The following SYK variants were observed in gnomAD, a reference collection of about 807,000 sequenced individuals.
SYK encodes spleen associated tyrosine kinase, also known as tyrosine-protein kinase SYK.
In SYK, 16 loss-of-function variants were observed where a neutral mutation model predicts 77.8. The ratio of observed to expected loss-of-function variants is 0.21; its 90% CI spans 0.14 to 0.31. The LOEUF is 0.31. Ranked by LOEUF, SYK falls within the 10% of genes least tolerant of loss-of-function variation. The pLI is 1.00. For missense variants in SYK, 529 were observed against 814.4 expected, an observed-to-expected ratio of 0.65 and a Z score of 4.26; for synonymous variants, 312 against 308.7, an observed-to-expected ratio of 1.01 and a Z score of -0.11.
At chr9:90,845,251 A>G (rs1826542280) in intron 2 of SYK, among the ~76,000 whole-genome samples, 183 bp from the exon 3 acceptor site, 1 of 152,176 alleles carries the variant, frequency 6.6e-6, no homozygotes, top group African/African-American at 2.4e-5. Context: ...ATTTTTATTT[A>G]TACACTTGAA....
intron 1 of SYK, among the ~76,000 whole-genome samples, chr9:90,838,245 T>C (rs1257059467): frequency 6.6e-6 from 1 of 152,218 alleles, no homozygotes; most frequent in Non-Finnish European, 1.5e-5. Context: ...CTAGGAGCTG[T>C]TCCAGGCATG....
rs775884837 is a variant in SYK at position 90,864,589 on chromosome 9, C to T, written c.718C>T (p.Leu240=). ...ACTTTCTTACTTTTTTCTCTTTCAG[C>T]TAGTCGAGCATTATTCTTATAAAGC... ...EGKKFDTLWQ[L]VEHYSYKADG... is the part of the protein sequence containing the mutation. The change falls in exon 5 of 14, where the codon CTA becomes TTA. Residue 240 remains leucine, a splice_region_variant and synonymous_variant. Transcript: ENST00000375754. 5.0e-6 allele frequency: 8 copies of T among 1,613,666 alleles called. No homozygotes were observed. Among genetic ancestry groups the T allele is most frequent in the Non-Finnish European group, 6.8e-6 (8 of 1,179,676 alleles).
At chr9:90,814,227 G>A (rs1362926225) in intron 1 of SYK, among the ~76,000 whole-genome samples, 1 of 152,168 alleles carries the variant, frequency 6.6e-6, no homozygotes, top group Non-Finnish European at 1.5e-5. Flanking sequence ...TCTGGAAGGG[G>A]GAAGTACCAG....
At chr9:90,858,675 A>T (rs1827133420) in intron 3 of SYK, among the ~76,000 whole-genome samples, 1 of 152,230 alleles carries the variant, frequency 6.6e-6, no homozygotes, top group Non-Finnish European at 1.5e-5. Flanking sequence ...ATGTTTAATT[A>T]AAAATGGCCT....
chr9:90,854,239 T>TGCCCC (rs1419549811), intron 3 of SYK, among the ~76,000 whole-genome samples: 1 of 152,194 alleles, frequency 6.6e-6, no homozygotes, highest in African/African-American at 2.4e-5. Flanking sequence ...GCTGCTCAGC[T>TGCCCC]GCCCCGAGTG....
rs1828965794 is a variant in SYK, at chr9:90,895,927, GT to G, written c.*328del. 2.8e-6 allele frequency: 1 copy of G among 354,656 alleles called. No individual in the cohort carries two copies. The highest frequency in any genetic ancestry group is 4.0e-5 in the South Asian group (1 of 24,832). The allele number at this position is 354,656 out of a possible 1,614,324, so 22.0% of individuals were successfully genotyped here. ...TCTTTCCACTTCTCTGGGTCCCGGG[GT>G]GCATTTGTTACTCATCGGGCCCAGG... is the stretch of plus-strand genomic sequence containing the variant. On this transcript the variant is annotated 3_prime_UTR_variant, in exon 14 of 14. Transcript: ENST00000375754. The surrounding 1 kb of genome is among the most constrained non-coding windows in gnomAD (Gnocchi z 4.4).
intron 1 of SYK, among the ~76,000 whole-genome samples, chr9:90,824,898 T>A (rs1022680100): frequency 6.6e-6 from 1 of 152,012 alleles, no homozygotes; most frequent in Non-Finnish European, 1.5e-5. Flanking sequence ...ACAAAACTTA[T>A]ACAGATCAGA....
At chr9:90,832,479 C>A (rs1218076507) in intron 1 of SYK, among the ~76,000 whole-genome samples, 2 of 152,216 alleles carry the variant, frequency 1.3e-5, no homozygotes, top group African/African-American at 4.8e-5. Flanking sequence ...TAACCATTTT[C>A]TACAGGTAAA....
intron 1 of SYK, among the ~76,000 whole-genome samples, chr9:90,840,480 C>T (rs1347996192): frequency 1.3e-5 from 2 of 149,626 alleles, no homozygotes; most frequent in African/African-American, 4.9e-5. Context: ...CCACCGCGCC[C>T]GGCCAAGGCG....
In SYK at chr9:90,886,937, C is replaced by A. The variant is rs575279600; in HGVS notation, c.1582-812C>A. On this transcript the variant is annotated intron_variant, in intron 11 of 13. Coordinates refer to ENST00000375754, the MANE Select transcript of SYK (RefSeq NM_003177.7). ...TGTGGTGTGTATATATATATATACA[C>A]CTCTAGAGGTGTTCACTGGTTACTT... is the stretch of plus-strand genomic sequence containing the variant. Among the ~76,000 whole-genome samples, 16 of 152,078 alleles carry A rather than the reference C, an allele frequency of 1.1e-4. No individual in the cohort carries two copies. In the South Asian group the frequency reaches 3.1e-3, roughly 30 times the overall value.
chr9:90,872,471 G>A (rs1827768081), intron 7 of SYK, among the ~76,000 whole-genome samples: 1 of 152,208 alleles, frequency 6.6e-6, no homozygotes, highest in Admixed American at 6.5e-5. Flanking sequence ...TTTCAGCCTA[G>A]AATTGGTTGC....
At chr9:90,835,140 C>A (rs980972875) in intron 1 of SYK, among the ~76,000 whole-genome samples, 3 of 152,138 alleles carry the variant, frequency 2.0e-5, no homozygotes, top group Admixed American at 1.3e-4. Context: ...GGTTGAGTAA[C>A]CCCGAGCTAA....
chr9:90,819,952 C>A (rs1457252959), intron 1 of SYK, among the ~76,000 whole-genome samples: 1 of 152,174 alleles, frequency 6.6e-6, no homozygotes, highest in African/African-American at 2.4e-5. Flanking sequence ...GGTAAATACA[C>A]CCATTCCAAC....
At chr9:90,855,043 A>C (rs969156366) in intron 3 of SYK, among the ~76,000 whole-genome samples, 81 of 72,710 alleles carry the variant, frequency 1.1e-3, no homozygotes, top group Admixed American at 5.9e-4. Context: ...CACACACTTG[A>C]GAACCGCGGC....
upstream of SYK, chr9:90,801,696 CGGTCAGCAGGGCGG>C (rs1826735378): frequency 6.6e-6 from 1 of 152,252 alleles, no homozygotes; most frequent in Admixed American, 6.5e-5. Flanking sequence ...CTCATGGGCG[CGGTCAGCAGGGCGG>C]GCCAGGGCGG....
rs745854740 is a variant in SYK at position 90,845,608 on chromosome 9, C to T, written c.578+14C>T. 7 of 1,611,980 alleles carry T rather than the reference C, an allele frequency of 4.3e-6. No individual in the cohort carries two copies. The highest frequency in any genetic ancestry group is 2.2e-5 in the East Asian group (1 of 44,854). ...TGGAAAGTTCCTGTGAGTATCGTGC[C>T]TTCCCCCTCACCTCCTGCCACCAGG... On this transcript the variant is annotated intron_variant, in intron 3 of 13. Transcript: ENST00000375754.
At chr9:90,812,051 G>T (rs1367200344) in intron 1 of SYK, among the ~76,000 whole-genome samples, 1 of 151,922 alleles carries the variant, frequency 6.6e-6, no homozygotes, top group South Asian at 2.1e-4. Context: ...ATTCTATCCA[G>T]TGTGTACACA....
Position 90,851,904 on chromosome 9 carries a change from T to G in SYK, c.578+6310T>G, listed in dbSNP as rs145985422. Among the ~76,000 whole-genome samples the G allele has an allele frequency of 5.6e-3, 854 of 152,300 alleles. 8 individuals carry two copies. The highest frequency in any genetic ancestry group is 0.02 in the African/African-American group (815 of 41,562). On this transcript the variant is annotated intron_variant, in intron 3 of 13. Transcript: ENST00000375754. The stretch of plus-strand genomic sequence containing the variant: ...ATTAGGCATACAATAGAATGTATTT[T>G]TTGGACTAAGGAAAAAAATTCAATA...
chr9:90,824,741 TA>T (rs560590829), intron 1 of SYK, among the ~76,000 whole-genome samples: 89 of 144,946 alleles, frequency 6.1e-4, no homozygotes, highest in South Asian at 5.2e-3. Flanking sequence ...TAAAGAGCAT[TA>T]AAAAAAAAAA....
Sources: gnomAD v4.1 joint callset for allele counts (sites outside exome capture counted in the v4.1 genomes callset) on GRCh38, gnomAD v4.1.1 for gene constraint, Gnocchi (gnomAD v3.1) non-coding constraint, MANE v1.5 for transcripts, NCBI Gene and HGNC (gene_info 2026-07-23, HGNC 2026-07-21) for gene names.